CPLX1: variants seen among roughly 807,000 people sequenced by gnomAD.
CPLX1 encodes complexin-1.
A neutral mutation model predicts 15.6 loss-of-function variants in CPLX1; 6 were observed. The observed-to-expected ratio is 0.39, with a 90% confidence interval of 0.21 to 0.76. CPLX1 has a LOEUF of 0.76. Ranked by LOEUF, CPLX1 falls within the 30% of genes least tolerant of loss-of-function variation. CPLX1 has a pLI of 0.43. For synonymous variants in CPLX1, 91 were observed against 75.2 expected, an observed-to-expected ratio of 1.21 and a Z score of -1.08; for missense variants, 242 against 188.6, an observed-to-expected ratio of 1.28 and a Z score of -1.66.
rs187471013 is a variant in CPLX1, at chr4:797,528, G to A, written c.32-4920C>T. ...TTTTTAATAGAGACGGGGTTTCACC[G>A]TGTTGGTCAGGCTGTTCTCGAACTC... On this transcript the variant is annotated intron_variant, in intron 2 of 3. Coordinates refer to ENST00000304062, the MANE Select transcript of CPLX1 (RefSeq NM_006651.4). Among the ~76,000 whole-genome samples the A allele has an allele frequency of 1.6e-4, 24 of 152,198 alleles. No individual in the cohort carries two copies. In the South Asian group the frequency reaches 2.3e-3, roughly 14 times the overall value.
rs1403114661 is a variant in CPLX1 at position 814,231 on chromosome 4, T to A, written c.31+10261A>T. Among the ~76,000 whole-genome samples the A allele has an allele frequency of 2.0e-5, 3 of 152,170 alleles. No individual in the cohort carries two copies. The East Asian group carries it at 5.8e-4, about 29-fold the overall frequency. On this transcript the variant is annotated intron_variant, in intron 2 of 3. Transcript: ENST00000304062. ...CCCACTCTGCCTGATTTTTTTTTTTTAAGACGGAGTCTCGCTCTGTTGCCA... is the reference window on the plus strand; with the variant it reads ...CCCACTCTGCCTGATTTTTTTTTTTAAAGACGGAGTCTCGCTCTGTTGCCA...
At position 786,507 on chromosome 4, in the gene CPLX1, C is replaced by G. The variant is rs752540997; in HGVS notation, c.399G>C (p.Lys133Asn). ...YLPGPLQDML[K>N]K ...GCCGCTGTCCCGCGCGCGGCTACTT[C>G]TTGAGCATGTCCTGCAGCGGCCCGG... The change falls in exon 4 of 4, where the codon AAG becomes AAC. Residue 133 changes from lysine (K) to asparagine (N), a missense_variant. Physicochemically the swap from Lys to Asn is moderately conservative, Grantham distance 94. Transcript: ENST00000304062. 7 of 1,583,560 alleles carry G rather than the reference C, an allele frequency of 4.4e-6. No homozygotes were observed. The African/African-American group carries it at 5.4e-5, about 12-fold the overall frequency.
chr4:786,983 C>G, intron 3 of CPLX1: 1 of 985,438 alleles, frequency 1.0e-6, no homozygotes, highest in Non-Finnish European at 1.2e-6. Context: ...GGCCCCACCT[C>G]TGGCTCCAAA....
chr4:819,190 G>A (rs547266357), intron 2 of CPLX1, among the ~76,000 whole-genome samples: 1 of 152,368 alleles, frequency 6.6e-6, no homozygotes, highest in African/African-American at 2.4e-5. Flanking sequence ...ACCCCAACTG[G>A]AACGTCTTGC....
At chr4:796,558 C>T (rs920023367) in intron 2 of CPLX1, among the ~76,000 whole-genome samples, 1 of 152,236 alleles carries the variant, frequency 6.6e-6, no homozygotes, top group Non-Finnish European at 1.5e-5. Context: ...GCTGGGATTA[C>T]AGGCATGAGC....
chr4:792,675 C>G, intron 2 of CPLX1, 67 bp from the exon 3 acceptor site: 1 of 1,512,240 alleles, frequency 6.6e-7, no homozygotes, highest in South Asian at 1.2e-5. Flanking sequence ...GTGTCTCAGC[C>G]ACACTCCCCC....
intron 3 of CPLX1, among the ~76,000 whole-genome samples, chr4:792,096 C>T (rs1746192868): frequency 6.6e-6 from 1 of 152,024 alleles, no homozygotes; most frequent in Admixed American, 6.5e-5. Flanking sequence ...CACCTGAGAG[C>T]GCACCCCCCA....
chr4:812,654 T>C (rs1034391324), intron 2 of CPLX1, among the ~76,000 whole-genome samples: 1 of 152,052 alleles, frequency 6.6e-6, no homozygotes, highest in Non-Finnish European at 1.5e-5. Flanking sequence ...CTTGACCATA[T>C]CAAGAGCAAA....
Position 792,557 on chromosome 4 carries a change from G to A in CPLX1, c.83C>T (p.Pro28Leu), listed in dbSNP as rs1470220860. The A allele has an allele frequency of 1.9e-6, 3 of 1,613,262 alleles. No individual in the cohort carries two copies. The highest frequency in any genetic ancestry group is 2.5e-6 in the Non-Finnish European group (3 of 1,179,692). The change falls in exon 3 of 4, where the codon CCA becomes CTA. Residue 28 changes from proline to leucine, a missense_variant. By Grantham distance (98) the Pro-to-Leu change is moderately conservative (BLOSUM62 -3). Transcript: ENST00000304062. The part of the protein sequence containing the change: ...KMLGGDEEKD[P>L]DAAKKEEERQ... ...CTCCTCCTCCTTCTTGGCGGCGTCT[G>A]GGTCCTTCTCCTCGTCACCCCCCAG...
chr4:804,655 C>T, intron 2 of CPLX1: 2 of 864,222 alleles, frequency 2.3e-6, no homozygotes, highest in Non-Finnish European at 2.8e-6. Context: ...AACTCCAACG[C>T]TTTTGTTCTT....
chr4:806,563 A>G (rs1277225527), intron 2 of CPLX1, among the ~76,000 whole-genome samples: 1 of 151,816 alleles, frequency 6.6e-6, no homozygotes, highest in Non-Finnish European at 1.5e-5. Flanking sequence ...CTAATTAAAG[A>G]GCTTCTGCAT....
intron 3 of CPLX1, among the ~76,000 whole-genome samples, chr4:788,870 G>T (rs1011152504): frequency 6.6e-6 from 1 of 152,242 alleles, no homozygotes; most frequent in African/African-American, 2.4e-5. Flanking sequence ...ACATGTGTGT[G>T]CTCAGAGGAG....
chr4:787,755 T>C, intron 3 of CPLX1: 1 of 985,182 alleles, frequency 1.0e-6, no homozygotes, highest in Non-Finnish European at 1.2e-6. Flanking sequence ...TCTAGATCAA[T>C]ACGCCTCCCC....
intron 2 of CPLX1, among the ~76,000 whole-genome samples, chr4:810,270 C>G (rs1011143724): frequency 6.6e-6 from 1 of 151,822 alleles, no homozygotes; most frequent in East Asian, 1.9e-4. Flanking sequence ...AGGATGGTCT[C>G]GATCTCCTGA....
At chr4:814,921 C>G (rs1746723090) in intron 2 of CPLX1, among the ~76,000 whole-genome samples, 1 of 152,242 alleles carries the variant, frequency 6.6e-6, no homozygotes, top group Admixed American at 6.5e-5. Context: ...CCATTCATTT[C>G]CCATTAGGGC....
At chr4:815,410 C>CA (rs71166897) in intron 2 of CPLX1, among the ~76,000 whole-genome samples, 1,519 of 93,272 alleles carry the variant, frequency 0.016, 83 homozygotes, top group South Asian at 0.068. Context: ...GACTCCGTCT[C>CA]AAAAAAAAAA....
chr4:800,400 C>A (rs1265750374), intron 2 of CPLX1, among the ~76,000 whole-genome samples: 2 of 152,022 alleles, frequency 1.3e-5, no homozygotes, highest in Middle Eastern at 3.2e-3. Flanking sequence ...TTTGGGAGGC[C>A]AAGGCGGGCA....
chr4:790,676 G>A (rs2152642476), intron 3 of CPLX1, among the ~76,000 whole-genome samples: 1 of 152,196 alleles, frequency 6.6e-6, no homozygotes, highest in Non-Finnish European at 1.5e-5. Flanking sequence ...CAGGGGACCA[G>A]ACCCACTCCA....
rs1426919960 is a variant in CPLX1 at position 800,748 on chromosome 4, TATATATACACACAC to T, written c.32-8154_32-8141del. On this transcript the variant is annotated intron_variant, in intron 2 of 3. Transcript: ENST00000304062. ...CTAAAAAAAAAAATATATATATATATATATATACACACACATATACACACACAGACACATATATG... is the reference window on the plus strand; with the variant it reads ...CTAAAAAAAAAAATATATATATATATATATACACACACAGACACATATATG... Among the ~76,000 whole-genome samples the T allele has an allele frequency of 6.9e-5, 10 of 145,834 alleles. No homozygotes were observed. In the South Asian group the frequency reaches 1.3e-3, roughly 19 times the overall value.
Sources: allele counts gnomAD v4.1 joint callset (sites outside exome capture counted in the v4.1 genomes callset), GRCh38; gene constraint gnomAD v4.1.1; transcripts MANE v1.5; gene names NCBI Gene and HGNC (gene_info 2026-07-23, HGNC 2026-07-21).